CHEK2: variants seen among roughly 807,000 people sequenced by gnomAD.
The protein encoded by CHEK2 is checkpoint kinase 2.
CHEK2 carries 71 observed loss-of-function variants against 69.1 expected under a neutral mutation model. The observed-to-expected ratio is 1.03, with a 90% CI of 0.85 to 1.25. CHEK2 has a LOEUF of 1.25. Ranked by LOEUF, CHEK2 falls within the 50% of genes most tolerant of loss-of-function variation. The probability of loss-of-function intolerance (pLI) is 0.00; values close to 1 mark genes in which losing one functional copy is unlikely to be tolerated. For missense variants in CHEK2, 664 were observed against 649.6 expected, an observed-to-expected ratio of 1.02 and a Z score of -0.24; for synonymous variants, 189 against 226.9, an observed-to-expected ratio of 0.83 and a Z score of 1.50.
intron 14 of CHEK2, 60 bp downstream of exon 14, chr22:28,689,075 C>A (rs2052236510): frequency 8.9e-7 from 1 of 1,123,916 alleles, no homozygotes; most frequent in African/African-American, 1.5e-5. Flanking sequence ...ATTTCATCAT[C>A]TTTGCTTATC....
chr22:28,704,634 G>A (rs185908151), intron 7 of CHEK2, among the ~76,000 whole-genome samples: 1 of 152,088 alleles, frequency 6.6e-6, no homozygotes, highest in East Asian at 1.9e-4. Context: ...CGCCCGGTGG[G>A]CACACCTATT....
intron 1 of CHEK2, among the ~76,000 whole-genome samples, chr22:28,735,280 C>T (rs748196957): frequency 1.3e-5 from 2 of 151,966 alleles, no homozygotes; most frequent in East Asian, 3.9e-4. Flanking sequence ...GTGGCGGGCA[C>T]CTGTATTCTC....
intron 13 of CHEK2, among the ~76,000 whole-genome samples, chr22:28,693,635 CA>C (rs1381381891): frequency 2.0e-5 from 3 of 152,146 alleles, no homozygotes; most frequent in Non-Finnish European, 4.4e-5. Context: ...GTACATCCAA[CA>C]GCCATGAGTA....
chr22:28,710,021 C>G lies in CHEK2; in HGVS notation c.831G>C (p.Leu277Phe), dbSNP rs876659698. Residue 277 changes from leucine (L) to phenylalanine (F), a missense_variant, in exon 7 of 15, where the codon TTG becomes TTC. Leu to Phe is a conservative substitution (Grantham distance 22, BLOSUM62 0). Coordinates refer to ENST00000404276, the MANE Select transcript of CHEK2 (RefSeq NM_007194.4). ...ALNVETEIEI[L>F]KKLNHPCIIK... ...TAATACTTACATGATTTAGCTTTTT[C>G]AAAATTTCTATTTCTGTTTCAACAT... is the stretch of plus-strand genomic sequence containing the variant. 1 of 1,549,754 alleles carries G rather than the reference C, an allele frequency of 6.5e-7. No homozygotes were observed. The highest frequency in any genetic ancestry group is 8.9e-7 in the Non-Finnish European group (1 of 1,123,850).
Position 28,699,949 on chromosome 22 carries a change from AG to A in CHEK2, c.909-13del. ...CTCCCCCTTCCATCCTGAAACACAA[AG>A]GCAAGGCAAGGGGTTCATTCCTGGG... On this transcript the variant is annotated splice_polypyrimidine_tract_variant and intron_variant, in intron 8 of 14. Transcript: ENST00000404276. 6.3e-7 allele frequency: 1 copy of A among 1,591,794 alleles called. No individual in the cohort carries two copies. Among genetic ancestry groups the A allele is most frequent in the East Asian group, 2.2e-5 (1 of 44,766 alleles).
At chr22:28,707,182 C>A (rs1446576451) in intron 7 of CHEK2, among the ~76,000 whole-genome samples, 1 of 152,102 alleles carries the variant, frequency 6.6e-6, no homozygotes, top group Non-Finnish European at 1.5e-5. Context: ...GGTCTCTCTA[C>A]CAGGAATCAG....
At chr22:28,724,813 G>A (rs567928597) in intron 4 of CHEK2, 164 bp downstream of exon 4, 12 of 736,008 alleles carry the variant, frequency 1.6e-5, no homozygotes, top group African/African-American at 7.0e-5. Context: ...TGATCCATCC[G>A]CCTCAGCCTC....
intron 3 of CHEK2, 46 bp downstream of exon 3, chr22:28,725,197 G>T (rs2146064594): frequency 2.5e-6 from 4 of 1,613,770 alleles, no homozygotes; most frequent in Non-Finnish European, 3.4e-6. Flanking sequence ...TAAAAACAAT[G>T]ACCAAATTAC....
In CHEK2 at chr22:28,741,820, T is replaced by A. The variant is rs2054566200; in HGVS notation, c.-58A>T. The A allele has an allele frequency of 1.9e-6, 1 of 539,708 alleles. No homozygotes were observed. Among genetic ancestry groups the A allele is most frequent in the Non-Finnish European group, 3.3e-6 (1 of 299,926 alleles). The allele number at this position is 539,708 out of a possible 1,614,324, so 33.4% of individuals were successfully genotyped here. A position where few individuals can be genotyped will look rare whatever the true frequency, so the allele number is the denominator to read the frequency against. Reference sequence around the variant, plus strand: ...CTCTCCGCAGCCTCAGCCAGCAGAGTGGCGCTAAACCTGCAGATACAAACT... The same window carrying A: ...CTCTCCGCAGCCTCAGCCAGCAGAGAGGCGCTAAACCTGCAGATACAAACT... On this transcript the variant is annotated 5_prime_UTR_variant, in exon 1 of 15. Transcript: ENST00000404276.
intron 1 of CHEK2, among the ~76,000 whole-genome samples, chr22:28,740,741 G>C (rs2054531662): frequency 6.6e-6 from 1 of 152,174 alleles, no homozygotes; most frequent in African/African-American, 2.4e-5. Context: ...GTCTGATCTT[G>C]TGGAAAGACA....
intron 7 of CHEK2, among the ~76,000 whole-genome samples, chr22:28,704,378 G>A (rs2053027294): frequency 6.6e-6 from 1 of 151,180 alleles, no homozygotes; most frequent in Non-Finnish European, 1.5e-5. Flanking sequence ...TGTCGCTCAG[G>A]CTTAAGTGCA....
intron 11 of CHEK2, 119 bp downstream of exon 11, chr22:28,695,591 G>A (rs1321843658): frequency 7.0e-6 from 6 of 852,998 alleles, no homozygotes; most frequent in Non-Finnish European, 1.2e-5. Context: ...AGGAGGCAGA[G>A]GCTACAGTTA....
intron 1 of CHEK2, among the ~76,000 whole-genome samples, chr22:28,735,269 G>C (rs1039858161): frequency 2.0e-5 from 3 of 151,986 alleles, no homozygotes; most frequent in Admixed American, 1.3e-4. Flanking sequence ...AGCCAGGCGT[G>C]GTGGCGGGCA....
chr22:28,735,099 C>T (rs2054357378), intron 1 of CHEK2, among the ~76,000 whole-genome samples: 1 of 152,048 alleles, frequency 6.6e-6, no homozygotes, highest in Non-Finnish European at 1.5e-5. Flanking sequence ...ACAATCAACA[C>T]TACATTTAAA....
At position 28,719,435 on chromosome 22, in the gene CHEK2, C is replaced by T. The variant is rs1060502708; in HGVS notation, c.643G>A (p.Ala215Thr). 1.3e-6 allele frequency: 2 copies of T among 1,597,742 alleles called. No homozygotes were observed. The highest frequency in any genetic ancestry group is 1.1e-5 in the South Asian group (1 of 88,838). ...TVDDQSVYPK[A>T]LRDEYIMSKT... ...GACATGATGTATTCATCTCTTAATG[C>T]CTTAGGATAAACTGACTGATCATCT... Residue 215 changes from alanine to threonine, a missense_variant, in exon 5 of 15, where the codon GCA (alanine) becomes ACA (threonine). Transcript: ENST00000404276.
intron 7 of CHEK2, among the ~76,000 whole-genome samples, chr22:28,704,437 A>G (rs1338460784): frequency 6.6e-6 from 1 of 151,828 alleles, no homozygotes; most frequent in African/African-American, 2.4e-5. Flanking sequence ...GGTTCAAGCT[A>G]TTCTCCTGCC....
intron 14 of CHEK2, 135 bp from the exon 15 acceptor site, chr22:28,688,121 G>C (rs1346361326): frequency 1.4e-6 from 1 of 713,640 alleles, no homozygotes; most frequent in East Asian, 2.7e-5. Flanking sequence ...ATTACTGGTT[G>C]TCATCATTGA....
intron 8 of CHEK2, among the ~76,000 whole-genome samples, chr22:28,701,429 C>T (rs2052842472): frequency 6.6e-6 from 1 of 152,168 alleles, no homozygotes; most frequent in East Asian, 1.9e-4. Context: ...CCAGGCTGGT[C>T]TTGAACTCCT....
chr22:28,694,490 A>C (rs1261890342), intron 12 of CHEK2, among the ~76,000 whole-genome samples: 1 of 152,204 alleles, frequency 6.6e-6, no homozygotes, highest in African/African-American at 2.4e-5. Context: ...ACAGTTACTC[A>C]GCGAGGGAGA....
Sources: gnomAD v4.1 joint callset for allele counts (sites outside exome capture counted in the v4.1 genomes callset) on GRCh38, gnomAD v4.1.1 for gene constraint, MANE v1.5 for transcripts, NCBI Gene and HGNC (gene_info 2026-07-23, HGNC 2026-07-21) for gene names.